HS3ST5: variants seen among roughly 807,000 people sequenced by gnomAD.
The protein encoded by HS3ST5 is heparan sulfate glucosamine 3-O-sulfotransferase 5.
Under a neutral mutation model 25.4 loss-of-function variants are expected in HS3ST5, and 10 were observed. The observed-to-expected ratio is 0.39, with a 90% CI of 0.24 to 0.67. HS3ST5 has a LOEUF of 0.67. HS3ST5 is among the 30% of genes least tolerant of loss of function. The pLI is 0.44. For missense variants in HS3ST5, 324 were observed against 420.7 expected (o/e 0.77, Z 2.01); for synonymous variants, 170 against 162.4 (o/e 1.05, Z -0.36).
At chr6:114,190,628 G>A (rs1227385993) in intron 2 of HS3ST5, among the ~76,000 whole-genome samples, 1 of 152,176 alleles carries the variant, frequency 6.6e-6, no homozygotes, top group Non-Finnish European at 1.5e-5. Context: ...TGTCAACTGA[G>A]TGAAAGAATC....
At chr6:114,306,062 AG>A (rs1405191258) in intron 1 of HS3ST5, among the ~76,000 whole-genome samples, 1 of 152,060 alleles carries the variant, frequency 6.6e-6, no homozygotes, top group Non-Finnish European at 1.5e-5. Flanking sequence ...TCTGCCTCTA[AG>A]AAAGTGCTTT....
chr6:114,202,871 A>T (rs1329749222), intron 2 of HS3ST5, among the ~76,000 whole-genome samples: 1 of 152,230 alleles, frequency 6.6e-6, no homozygotes, highest in Non-Finnish European at 1.5e-5. Context: ...ATGAAAACTG[A>T]AGTCATAATT....
At chr6:114,229,769 T>C (rs1294763577) in intron 1 of HS3ST5, among the ~76,000 whole-genome samples, 1 of 152,176 alleles carries the variant, frequency 6.6e-6, no homozygotes, top group East Asian at 1.9e-4. Flanking sequence ...TTTCACACAT[T>C]TGCTTGCCTT....
intron 2 of HS3ST5, among the ~76,000 whole-genome samples, chr6:114,206,446 T>C (rs965538130): frequency 6.6e-6 from 1 of 152,186 alleles, no homozygotes; most frequent in African/African-American, 2.4e-5. Flanking sequence ...TCAGCAGAAA[T>C]AAAACTATCA....
rs551646005 is a variant in HS3ST5, at chr6:114,319,727, A to T, written c.-339+22468T>A. Among the ~76,000 whole-genome samples, 29 of 152,058 alleles carry T rather than the reference A, an allele frequency of 1.9e-4. No homozygotes were observed. In the South Asian group the frequency reaches 6.0e-3, roughly 32 times the overall value. Reference sequence around the variant, plus strand: ...CCATTGTATGACTATGCCTTAATTTATTTCTTCTGTCCTTACAGAAGGACA... The same window carrying T: ...CCATTGTATGACTATGCCTTAATTTTTTTCTTCTGTCCTTACAGAAGGACA... On this transcript the variant is annotated intron_variant, in intron 1 of 4. Coordinates refer to ENST00000312719, the MANE Select transcript of HS3ST5 (RefSeq NM_153612.4).
chr6:114,088,152 T>G (rs574396358), intron 3 of HS3ST5, among the ~76,000 whole-genome samples: 12 of 152,344 alleles, frequency 7.9e-5, no homozygotes, highest in African/African-American at 2.2e-4. Context: ...TCTAAAATTG[T>G]AAATTACCTA....
intron 2 of HS3ST5, among the ~76,000 whole-genome samples, chr6:114,205,303 C>T (rs73767070): frequency 7.2e-4 from 109 of 152,178 alleles, no homozygotes; most frequent in African/African-American, 2.6e-3. Context: ...GCTAGAATGA[C>T]TCATGGAACT....
intron 3 of HS3ST5, among the ~76,000 whole-genome samples, chr6:114,165,301 GCA>G (rs1418831987): frequency 6.6e-6 from 1 of 152,096 alleles, no homozygotes; most frequent in Non-Finnish European, 1.5e-5. Context: ...ACTGAGAACT[GCA>G]CAGCATCGGG....
intron 1 of HS3ST5, among the ~76,000 whole-genome samples, chr6:114,262,733 T>C (rs1244999323): frequency 6.6e-6 from 1 of 152,112 alleles, no homozygotes; most frequent in African/African-American, 2.4e-5. Context: ...ACAATAAAGA[T>C]AAAAGCAAAA....
At chr6:114,257,403 A>G (rs1174666903) in intron 1 of HS3ST5, among the ~76,000 whole-genome samples, 1 of 152,224 alleles carries the variant, frequency 6.6e-6, no homozygotes, top group African/African-American at 2.4e-5. Context: ...TGTAGGTACT[A>G]TTATTTTCCT....
intron 4 of HS3ST5, 121 bp from the exon 5 acceptor site, chr6:114,058,311 T>A: frequency 1.4e-6 from 1 of 706,976 alleles, no homozygotes; most frequent in Non-Finnish European, 2.3e-6. Flanking sequence ...CCTGCTGCAA[T>A]CCATAATGAA....
At chr6:114,100,830 G>A (rs1054841574) in intron 3 of HS3ST5, among the ~76,000 whole-genome samples, 8 of 152,160 alleles carry the variant, frequency 5.3e-5, no homozygotes, top group Non-Finnish European at 1.0e-4. Context: ...ACTATGCCAG[G>A]CATCATTAGA....
intron 4 of HS3ST5, chr6:114,059,012 T>C (rs2114695844): frequency 6.6e-6 from 1 of 152,194 alleles, no homozygotes; most frequent in Non-Finnish European, 1.5e-5. Flanking sequence ...GAACTCAATC[T>C]CATTAAGGAA....
At chr6:114,133,866 T>G (rs73536655) in intron 3 of HS3ST5, among the ~76,000 whole-genome samples, 1 of 151,968 alleles carries the variant, frequency 6.6e-6, no homozygotes, top group African/African-American at 2.4e-5. Flanking sequence ...AGATGAATCT[T>G]GAGCATGCAT....
intron 3 of HS3ST5, among the ~76,000 whole-genome samples, chr6:114,144,575 A>G (rs1778063455): frequency 1.3e-5 from 2 of 152,232 alleles, no homozygotes; most frequent in South Asian, 2.1e-4. Flanking sequence ...TTAGTTCTCA[A>G]ATAAATGCAT....
chr6:114,125,386 T>C (rs1776990596), intron 3 of HS3ST5, among the ~76,000 whole-genome samples: 1 of 152,322 alleles, frequency 6.6e-6, no homozygotes, highest in East Asian at 1.9e-4. Context: ...TTGCAAAATG[T>C]AGGGCAATAT....
intron 3 of HS3ST5, among the ~76,000 whole-genome samples, chr6:114,078,262 A>G (rs546258030): frequency 2.0e-5 from 3 of 151,890 alleles, no homozygotes; most frequent in South Asian, 2.1e-4. Context: ...GCTGGAGTAC[A>G]TTGGTGCGAT....
intron 2 of HS3ST5, among the ~76,000 whole-genome samples, chr6:114,169,642 A>C (rs770444637): frequency 6.6e-6 from 1 of 152,230 alleles, no homozygotes; most frequent in Non-Finnish European, 1.5e-5. Flanking sequence ...ACATAACAAA[A>C]TAAAGCCTCA....
chr6:114,062,679 AG>A, intron 4 of HS3ST5, 59 bp downstream of exon 4: 1 of 1,063,342 alleles, frequency 9.4e-7, no homozygotes, highest in South Asian at 1.3e-5. Context: ...TTATGTCCTA[AG>A]GAAGTTTAAA....
Sources: gnomAD v4.1 joint callset for allele counts (sites outside exome capture counted in the v4.1 genomes callset) on GRCh38, gnomAD v4.1.1 for gene constraint, MANE v1.5 for transcripts, NCBI Gene and HGNC (gene_info 2026-07-23, HGNC 2026-07-21) for gene names.